RNF213: variants seen among roughly 807,000 people sequenced by gnomAD.
The protein encoded by RNF213 is E3 ubiquitin-protein ligase RNF213.
In RNF213, 341 loss-of-function variants were observed where a neutral mutation model predicts 514.4. The ratio of observed to expected loss-of-function variants is 0.66; its 90% confidence interval spans 0.61 to 0.73. The LOEUF (loss-of-function observed/expected upper bound fraction) is 0.73. RNF213 is among the 30% of genes least tolerant of loss of function. RNF213 has a pLI of 0.00. For synonymous variants in RNF213, 2,655 were observed against 2,658.2 expected, an observed-to-expected ratio of 1.00 and a Z score of 0.04; for missense variants, 5,767 against 6,615.6, an observed-to-expected ratio of 0.87 and a Z score of 4.45.
rs1459653876 is a variant in RNF213 at position 80,396,973 on chromosome 17, T to TC, written c.*3479dup. The stretch of plus-strand genomic sequence containing the variant: ...AAAACGCCTTCAGCCCTGCTGTGCT[T>TC]CCCCTCACACCTAAACTTACTATAA... On this transcript the variant is annotated 3_prime_UTR_variant, in exon 68 of 68. Transcript: ENST00000582970. 6.6e-6 allele frequency: 1 copy of TC among 152,280 alleles called. No individual in the cohort carries two copies. The highest frequency in any genetic ancestry group is 2.4e-5 in the African/African-American group (1 of 41,410). The allele number at this position is 152,280 out of a possible 1,614,324, so 9.4% of individuals were successfully genotyped here.
chr17:80,281,531 C>G (rs2044288756), intron 3 of RNF213, among the ~76,000 whole-genome samples: 11 of 105,004 alleles, frequency 1.0e-4, no homozygotes, highest in East Asian at 3.4e-4. Context: ...ACACATGCCC[C>G]ACTCATACCA....
intron 17 of RNF213, chr17:80,319,879 C>G (rs1430351596): frequency 8.8e-7 from 1 of 1,131,816 alleles, no homozygotes; most frequent in African/African-American, 1.6e-5. Context: ...GACACTTAAC[C>G]CCTGTACAAG....
Position 80,309,053 on chromosome 17 carries a change from CTGTG to C in RNF213, c.2541_2544del (p.Cys848Ter). 6.2e-7 allele frequency: 1 copy of C among 1,614,190 alleles called. No homozygotes were observed. The highest frequency in any genetic ancestry group is 8.5e-7 in the Non-Finnish European group (1 of 1,180,038). On this transcript the variant is annotated frameshift_variant, in exon 14 of 68. Coordinates refer to ENST00000582970, the MANE Select transcript of RNF213 (RefSeq NM_001256071.3). LOFTEE classifies it high-confidence loss of function. ...GAGGCCTTGTCACCATCCTACCTGA[CTGTG>C]TGTCTGAAACTGCATGAAGCCATCT...
chr17:80,338,818 C>G (rs966391269), intron 25 of RNF213, among the ~76,000 whole-genome samples: 1 of 151,504 alleles, frequency 6.6e-6, no homozygotes, highest in African/African-American at 2.4e-5. Context: ...CATGGTGGCA[C>G]GTGCCTGTAA....
Position 80,395,808 on chromosome 17 carries a change from G to A in RNF213, c.*2310G>A, listed in dbSNP as rs1288892470. The A allele has an allele frequency of 1.3e-5, 2 of 152,156 alleles. No homozygotes were observed. The highest frequency in any genetic ancestry group is 4.8e-5 in the African/African-American group (2 of 41,436). The allele number at this position is 152,156 out of a possible 1,614,324, so 9.4% of individuals were successfully genotyped here. ...TTCCAAAAAGGAAAGGTTCTTCCAG[G>A]CGAGAAACCTGTGGTCTAGAACCAC... On this transcript the variant is annotated 3_prime_UTR_variant, in exon 68 of 68. Coordinates refer to ENST00000582970, the MANE Select transcript of RNF213 (RefSeq NM_001256071.3).
chr17:80,359,990 G>A, intron 37 of RNF213, 71 bp from the exon 38 acceptor site: 4 of 1,526,710 alleles, frequency 2.6e-6, no homozygotes, highest in Non-Finnish European at 3.6e-6. Context: ...TGGCATCAGT[G>A]GCAGATCTTA....
intron 61 of RNF213, 118 bp from the exon 62 acceptor site, chr17:80,386,132 G>T: frequency 1.0e-6 from 1 of 983,180 alleles, no homozygotes; most frequent in South Asian, 1.3e-5. Flanking sequence ...GGGCAGAACC[G>T]AGACCCGGCT....
chr17:80,302,222 G>A (rs1440764592), intron 11 of RNF213, among the ~76,000 whole-genome samples: 2 of 152,188 alleles, frequency 1.3e-5, no homozygotes, highest in Non-Finnish European at 2.9e-5. Flanking sequence ...GAGCAGTATG[G>A]AACGACTGTA....
At chr17:80,352,485 C>CT in intron 32 of RNF213, 2 of 497,174 alleles carry the variant, frequency 4.0e-6, no homozygotes, top group South Asian at 3.2e-5. Context: ...CTTCAGATCT[C>CT]TTTTTTTCCA....
Position 80,327,974 on chromosome 17 carries a change from G to T in RNF213, c.3352G>T (p.Asp1118Tyr). The T allele has an allele frequency of 6.5e-7, 1 of 1,537,262 alleles. No individual in the cohort carries two copies. Among genetic ancestry groups the T allele is most frequent in the Non-Finnish European group, 8.7e-7 (1 of 1,146,916 alleles). The change falls in exon 19 of 68, where the codon GAC (aspartate) becomes TAC (tyrosine). Residue 1118 changes from aspartate (D) to tyrosine (Y), a missense_variant. Physicochemically the swap from Asp to Tyr is radical, Grantham distance 160. This residue lies in a region of RNF213 where 516 missense variants were observed against 566.5 expected (regional missense o/e 0.91). Coordinates refer to ENST00000582970, the MANE Select transcript of RNF213 (RefSeq NM_001256071.3). ...LIIKHKNQFL[D>Y]IWQLREKSLS... The stretch of plus-strand genomic sequence containing the variant: ...TATAAAGCACAAGAATCAGTTTCTT[G>T]ACATCTGGCAACTGAGTAAGCATCG...
chr17:80,268,106 C>T (rs2043670449), intron 2 of RNF213, among the ~76,000 whole-genome samples: 1 of 152,120 alleles, frequency 6.6e-6, no homozygotes, highest in African/African-American at 2.4e-5. Context: ...TAGGCATGAA[C>T]CATTGCACCT....
At chr17:80,272,988 A>C (rs2043877321) in intron 2 of RNF213, among the ~76,000 whole-genome samples, 1 of 152,112 alleles carries the variant, frequency 6.6e-6, no homozygotes, top group Non-Finnish European at 1.5e-5. Flanking sequence ...ATTGGGAGGA[A>C]GAGGCTGGAT....
intron 30 of RNF213, 29 bp downstream of exon 30, chr17:80,349,935 T>G: frequency 6.2e-7 from 1 of 1,612,042 alleles, no homozygotes; most frequent in South Asian, 1.1e-5. Context: ...CCTGCTGCCC[T>G]CTCCCTCCCC....
At chr17:80,279,815 C>A (rs2044195029) in intron 3 of RNF213, among the ~76,000 whole-genome samples, 1 of 152,134 alleles carries the variant, frequency 6.6e-6, no homozygotes, top group Admixed American at 6.6e-5. Flanking sequence ...ACAGGACTCA[C>A]TAATAATATC....
Position 80,365,948 on chromosome 17 carries a change from C to T in RNF213, c.11871+1395C>T, listed in dbSNP as rs913287228. On this transcript the variant is annotated intron_variant, in intron 42 of 67. Coordinates refer to ENST00000582970, the MANE Select transcript of RNF213 (RefSeq NM_001256071.3). ...GGAACGTGGGGAGGGTTTTTTTTGGCGATAAAATGGCCTCAGAAACTTACT... is the reference window on the plus strand; with the variant it reads ...GGAACGTGGGGAGGGTTTTTTTTGGTGATAAAATGGCCTCAGAAACTTACT... Among the ~76,000 whole-genome samples the T allele has an allele frequency of 6.6e-5, 10 of 152,130 alleles. No individual in the cohort carries two copies. In the East Asian group the frequency reaches 1.9e-3, roughly 29 times the overall value.
chr17:80,343,961 C>T lies in RNF213; in HGVS notation c.6288C>T (p.Ile2096=), dbSNP rs773708335. Residue 2096 remains isoleucine (I), a synonymous_variant, in exon 28 of 68, where the codon ATC becomes ATT. Coordinates refer to ENST00000582970, the MANE Select transcript of RNF213 (RefSeq NM_001256071.3). This position sits in a 1 kb window ranked among gnomAD's most constrained non-coding sequence, Gnocchi z 4.3. Reference sequence around the variant, plus strand: ...TTCGGAACCCCTGCCATTTGTATATCGTTGAAATCCTGGAAAGGAGGACGT... The same window carrying T: ...TTCGGAACCCCTGCCATTTGTATATTGTTGAAATCCTGGAAAGGAGGACGT... ...MWLRNPCHLY[I]VEILERRTSV... is the part of the protein sequence containing the mutation. 18 of 1,614,074 alleles carry T rather than the reference C, an allele frequency of 1.1e-5. No homozygotes were observed. The highest frequency in any genetic ancestry group is 1.3e-5 in the African/African-American group (1 of 74,906).
rs896438398 is a variant in RNF213 at position 80,327,877 on chromosome 17, C to T, written c.3255C>T (p.Ala1085=). ...ATGCCAAGAGGCTGATAGCTGTTGC[C>T]GACTCTGTGTTGACGAAAGTTGTTG... ...TEDAKRLIAV[A]DSVLTKVVGD... The change falls in exon 19 of 68, where the codon GCC becomes GCT. Residue 1085 remains alanine, a synonymous_variant. Coordinates refer to ENST00000582970, the MANE Select transcript of RNF213 (RefSeq NM_001256071.3). 41 of 1,537,092 alleles carry T rather than the reference C, an allele frequency of 2.7e-5. No individual in the cohort carries two copies. The highest frequency in any genetic ancestry group is 4.9e-5 in the East Asian group (2 of 40,930).
At chr17:80,389,578 G>C (rs950344791) in intron 65 of RNF213, among the ~76,000 whole-genome samples, 1 of 152,192 alleles carries the variant, frequency 6.6e-6, no homozygotes, top group Non-Finnish European at 1.5e-5. Context: ...CAGCAGTCTA[G>C]ATAGAGCCCA....
At chr17:80,313,826 G>C (rs1311191567) in intron 15 of RNF213, among the ~76,000 whole-genome samples, 8 of 126,582 alleles carry the variant, frequency 6.3e-5, no homozygotes, top group Admixed American at 5.9e-4. Context: ...TGATGGTGGT[G>C]GTGGAGGTGA....
Sources: allele counts gnomAD v4.1 joint callset (sites outside exome capture counted in the v4.1 genomes callset), GRCh38; gene constraint gnomAD v4.1.1; regional missense constraint gnomAD v4.1.1; non-coding constraint Gnocchi (gnomAD v3.1); transcripts MANE v1.5; gene names NCBI Gene and HGNC (gene_info 2026-07-23, HGNC 2026-07-21).